COL8A1: variants seen among roughly 807,000 people sequenced by gnomAD.
The protein encoded by COL8A1 is collagen type VIII alpha 1 chain, also known as collagen alpha-1(VIII) chain.
In COL8A1, 21 loss-of-function variants were observed where a neutral mutation model predicts 42.7. The ratio of observed to expected loss-of-function variants is 0.49; its 90% CI spans 0.35 to 0.71. The LOEUF (loss-of-function observed/expected upper bound fraction) is 0.71. Ranked by LOEUF, COL8A1 falls within the 30% of genes least tolerant of loss-of-function variation. The probability of loss-of-function intolerance (pLI) is 0.01; values close to 1 mark genes in which losing one functional copy is unlikely to be tolerated. For synonymous variants in COL8A1, 367 were observed against 369.1 expected, an observed-to-expected ratio of 0.99 and a Z score of 0.06; for missense variants, 788 against 962.4, an observed-to-expected ratio of 0.82 and a Z score of 2.40.
intron 1 of COL8A1, among the ~76,000 whole-genome samples, chr3:99,683,479 G>C (rs1402293627): frequency 5.9e-5 from 9 of 152,150 alleles, no homozygotes; most frequent in African/African-American, 2.2e-4. Context: ...ATGGAAATAA[G>C]TTTTTGTTTC....
intron 2 of COL8A1, among the ~76,000 whole-genome samples, chr3:99,773,837 A>ATATTATATATATATATATATATTT (rs1200212756): frequency 4.4e-5 from 2 of 45,400 alleles, no homozygotes; most frequent in African/African-American, 1.3e-4. Flanking sequence ...ATATATATAT[A>ATATTATATATATATATATATATTT]TTTTTTTTTT....
intron 2 of COL8A1, among the ~76,000 whole-genome samples, chr3:99,785,908 T>C (rs983047066): frequency 1.3e-5 from 2 of 152,104 alleles, no homozygotes; most frequent in Middle Eastern, 3.2e-3. Flanking sequence ...GAGAAAACTA[T>C]ATGGTAGGAC....
At chr3:99,662,015 T>C (rs980608168) in intron 1 of COL8A1, among the ~76,000 whole-genome samples, 1 of 152,170 alleles carries the variant, frequency 6.6e-6, no homozygotes, top group African/African-American at 2.4e-5. Context: ...TTTTGGAAGA[T>C]GAAGAGTTCT....
At chr3:99,688,263 C>A (rs1394180159) in intron 1 of COL8A1, among the ~76,000 whole-genome samples, 2 of 152,192 alleles carry the variant, frequency 1.3e-5, no homozygotes, top group Non-Finnish European at 2.9e-5. Context: ...TTCTGGAGAT[C>A]AGAAATCCAC....
intron 1 of COL8A1, among the ~76,000 whole-genome samples, chr3:99,653,911 AC>A (rs1937931289): frequency 6.6e-6 from 1 of 152,142 alleles, no homozygotes; most frequent in African/African-American, 2.4e-5. Context: ...ATTAAGGATT[AC>A]TGGCTCACAT....
At chr3:99,660,789 G>T (rs1322945088) in intron 1 of COL8A1, among the ~76,000 whole-genome samples, 1 of 152,042 alleles carries the variant, frequency 6.6e-6, no homozygotes, top group Non-Finnish European at 1.5e-5. Context: ...CTAAATTATA[G>T]GTTTTTACTT....
chr3:99,687,268 C>T (rs1342169307), intron 1 of COL8A1, among the ~76,000 whole-genome samples: 1 of 152,214 alleles, frequency 6.6e-6, no homozygotes, highest in Non-Finnish European at 1.5e-5. Flanking sequence ...GCCTTTTTGA[C>T]ATTAGACAAG....
chr3:99,752,840 G>A (rs1173214528), intron 2 of COL8A1, among the ~76,000 whole-genome samples: 2 of 152,078 alleles, frequency 1.3e-5, no homozygotes, highest in Admixed American at 6.6e-5. Flanking sequence ...TCATGAGTAG[G>A]TATCAGGCTA....
At chr3:99,769,035 C>G (rs959362183) in intron 2 of COL8A1, among the ~76,000 whole-genome samples, 5 of 152,028 alleles carry the variant, frequency 3.3e-5, no homozygotes, top group Admixed American at 1.3e-4. Flanking sequence ...TTTTGTGGTG[C>G]CTGTGGTATA....
At chr3:99,669,123 T>TTATATATATATATATA (rs775831851) in intron 1 of COL8A1, among the ~76,000 whole-genome samples, 11 of 96,574 alleles carry the variant, frequency 1.1e-4, no homozygotes, top group East Asian at 3.3e-4. Flanking sequence ...CTTAAAAAAA[T>TTATATATATATATATA]TATATATATA....
chr3:99,656,746 T>C (rs1938033862), intron 1 of COL8A1, among the ~76,000 whole-genome samples: 1 of 152,216 alleles, frequency 6.6e-6, no homozygotes, highest in African/African-American at 2.4e-5. Context: ...CTTTTTCTAA[T>C]AGTGTTGTGG....
At chr3:99,753,118 CT>C (rs1418881020) in intron 2 of COL8A1, among the ~76,000 whole-genome samples, 1 of 152,188 alleles carries the variant, frequency 6.6e-6, no homozygotes, top group African/African-American at 2.4e-5. Context: ...GGTTCTCAAA[CT>C]TTAGCAGACA....
intron 1 of COL8A1, among the ~76,000 whole-genome samples, chr3:99,741,900 T>A (rs1194305575): frequency 6.6e-6 from 1 of 152,200 alleles, no homozygotes; most frequent in Non-Finnish European, 1.5e-5. Flanking sequence ...CTGGCCATGT[T>A]TTAAAACCTC....
In COL8A1 at chr3:99,798,735, A is replaced by G. The variant is rs748398872; in HGVS notation, c.*2599A>G. 1 of 152,238 alleles carries G rather than the reference A, an allele frequency of 6.6e-6. No individual in the cohort carries two copies. The highest frequency in any genetic ancestry group is 1.9e-4 in the East Asian group (1 of 5,204). The allele number at this position is 152,238 out of a possible 1,614,324, so 9.4% of individuals were successfully genotyped here. The stretch of plus-strand genomic sequence containing the variant: ...TTTAGATAGAAGAGGAGCAACATCT[A>G]TGCCAAATACTGTGCATTCTACAAT... On this transcript the variant is annotated 3_prime_UTR_variant, in exon 4 of 4. Transcript: ENST00000652472.
chr3:99,706,143 T>C (rs1039614384), intron 1 of COL8A1, among the ~76,000 whole-genome samples: 18 of 152,104 alleles, frequency 1.2e-4, no homozygotes, highest in Non-Finnish European at 7.4e-5. Flanking sequence ...TCACCTTCTG[T>C]ACAACCTCAC....
Position 99,797,762 on chromosome 3 carries a change from A to T in COL8A1, c.*1626A>T, listed in dbSNP as rs1942130684. 1.3e-5 allele frequency: 2 copies of T among 152,254 alleles called. No individual in the cohort carries two copies. Among genetic ancestry groups the T allele is most frequent in the African/African-American group, 4.8e-5 (2 of 41,460 alleles). 9.4% of individuals were successfully genotyped at this position (152,254 alleles called of 1,614,324 possible). A position where few individuals can be genotyped will look rare whatever the true frequency, so the allele number is the denominator to read the frequency against. Reference sequence around the variant, plus strand: ...GAAGCGGACTGTGGAAGGGCTATGTAGAATGTCAAAGGGCAACAAGAGCCT... The same window carrying T: ...GAAGCGGACTGTGGAAGGGCTATGTTGAATGTCAAAGGGCAACAAGAGCCT... On this transcript the variant is annotated 3_prime_UTR_variant, in exon 4 of 4. Coordinates refer to ENST00000652472, the MANE Select transcript of COL8A1 (RefSeq NM_020351.4).
chr3:99,742,390 T>C (rs1940921510), intron 1 of COL8A1, among the ~76,000 whole-genome samples: 1 of 152,218 alleles, frequency 6.6e-6, no homozygotes, highest in Admixed American at 6.5e-5. Flanking sequence ...GAGTTACACA[T>C]TGCCTGTGTA....
At chr3:99,773,837 A>ATTTTT (rs1172723632) in intron 2 of COL8A1, among the ~76,000 whole-genome samples, 12 of 45,402 alleles carry the variant, frequency 2.6e-4, no homozygotes, top group South Asian at 2.1e-3. Context: ...ATATATATAT[A>ATTTTT]TTTTTTTTTT....
intron 1 of COL8A1, among the ~76,000 whole-genome samples, chr3:99,688,226 G>T (rs181919051): frequency 6.6e-6 from 1 of 152,042 alleles, no homozygotes; most frequent in Non-Finnish European, 1.5e-5. Flanking sequence ...TAGTGTCATC[G>T]AACAACACAA....
Sources: gnomAD v4.1 joint callset for allele counts (sites outside exome capture counted in the v4.1 genomes callset) on GRCh38, gnomAD v4.1.1 for gene constraint, MANE v1.5 for transcripts, NCBI Gene and HGNC (gene_info 2026-07-23, HGNC 2026-07-21) for gene names.